Variants in DPP6 observed in about 807,000 individuals in gnomAD.
DPP6 encodes dipeptidyl peptidase like 6, also known as A-type potassium channel modulatory protein DPP6.
A neutral mutation model predicts 122.6 loss-of-function variants in DPP6; 69 were observed. The ratio of observed to expected loss-of-function variants is 0.56; its 90% CI spans 0.46 to 0.69. The LOEUF is 0.69. Among genes scored for constraint, DPP6 ranks in the 30% least tolerant of loss-of-function variants. DPP6 has a pLI of 0.00. For missense variants in DPP6, 928 were observed against 1,116.9 expected (o/e 0.83, Z 2.41); for synonymous variants, 418 against 433.1 (o/e 0.97, Z 0.43).
In DPP6 at chr7:154,125,747, T is replaced by G. The variant is rs1037529167; in HGVS notation, c.243+72684T>G. Among the ~76,000 whole-genome samples the G allele has an allele frequency of 2.3e-4, 35 of 152,152 alleles. 1 individual carries two copies. The highest frequency in any genetic ancestry group is 8.4e-4 in the African/African-American group (35 of 41,428). ...GAGGGTGAAGATAATGGGTTCACAT[T>G]GCACAGATTAAAGCAGAGACTCTAT... On this transcript the variant is annotated intron_variant, in intron 1 of 25. Transcript: ENST00000377770.
At chr7:154,375,616 A>G (rs1014702040) in intron 1 of DPP6, among the ~76,000 whole-genome samples, 8 of 152,160 alleles carry the variant, frequency 5.3e-5, no homozygotes, top group South Asian at 2.1e-4. Flanking sequence ...TCTCCATCCA[A>G]TGTACAGACT....
At chr7:154,470,748 T>C (rs763943457) in intron 2 of DPP6, among the ~76,000 whole-genome samples, 1 of 152,158 alleles carries the variant, frequency 6.6e-6, no homozygotes, top group Non-Finnish European at 1.5e-5. Flanking sequence ...TTTTCTATAG[T>C]ATATCAAGCT....
rs1437142803 is a variant in DPP6, at chr7:154,772,457, T to C, written c.1039-388T>C. Among the ~76,000 whole-genome samples the C allele has an allele frequency of 2.6e-5, 4 of 152,266 alleles. No individual in the cohort carries two copies. The East Asian group carries it at 7.7e-4, about 29-fold the overall frequency. On this transcript the variant is annotated intron_variant, in intron 9 of 25. Transcript: ENST00000377770. ...ACTTAATCTCTCCCCATGCTGAGCA[T>C]GGCCACCGCTCCTCAATGTCCATCA...
At chr7:153,992,889 G>GA (rs1247425801) in intron 1 of DPP6, among the ~76,000 whole-genome samples, 1 of 151,838 alleles carries the variant, frequency 6.6e-6, no homozygotes, top group Non-Finnish European at 1.5e-5. Flanking sequence ...TTTATCTCTT[G>GA]AAATACTGTC....
In DPP6 at chr7:153,951,436, C is replaced by A. The variant is rs545827692; in HGVS notation, c.51+63702C>A. Reference sequence around the variant, plus strand: ...AGATACACGTATGGGGGCAAGGAAACGCTACGAGACTGAGGATTGAGCTCC... The same window carrying A: ...AGATACACGTATGGGGGCAAGGAAAAGCTACGAGACTGAGGATTGAGCTCC... On this transcript the variant is annotated intron_variant, in intron 1 of 25. Transcript: ENST00000404039. Among the ~76,000 whole-genome samples, 4 of 152,244 alleles carry A rather than the reference C, an allele frequency of 2.6e-5. No individual in the cohort carries two copies. In the East Asian group the frequency reaches 7.7e-4, roughly 29 times the overall value.
At chr7:154,379,448 G>A (rs994996786) in intron 1 of DPP6, among the ~76,000 whole-genome samples, 1 of 151,978 alleles carries the variant, frequency 6.6e-6, no homozygotes, top group Non-Finnish European at 1.5e-5. Flanking sequence ...CATGGCACAT[G>A]TATACATATG....
At chr7:154,052,098 C>T (rs1245410087), upstream of DPP6, among the ~76,000 whole-genome samples, 3 of 117,390 alleles carry the variant, frequency 2.6e-5, no homozygotes, top group African/African-American at 5.7e-5. The surrounding 1 kb of genome is among the most constrained non-coding windows in gnomAD (Gnocchi z 4.8). Context: ...CTTGCACCGT[C>T]CGCTCGCGTG....
Position 154,446,206 on chromosome 7 carries a change from G to T in DPP6, c.244-8G>T. The T allele has an allele frequency of 6.3e-7, 1 of 1,580,028 alleles. No homozygotes were observed. The highest frequency in any genetic ancestry group is 2.3e-5 in the East Asian group (1 of 43,936). On this transcript the variant is annotated splice_region_variant and splice_polypyrimidine_tract_variant and intron_variant, in intron 1 of 25. Transcript: ENST00000377770. ...CACTGGGGTTTTCTTTGTTGTTGCTGTTTTTAGGAGCTGGTGGGGAGTAAC... is the reference window on the plus strand; with the variant it reads ...CACTGGGGTTTTCTTTGTTGTTGCTTTTTTTAGGAGCTGGTGGGGAGTAAC...
intron 1 of DPP6, among the ~76,000 whole-genome samples, chr7:154,034,081 G>C (rs573173369): frequency 6.6e-6 from 1 of 152,250 alleles, no homozygotes; most frequent in South Asian, 2.1e-4. Context: ...GTTCACAGCT[G>C]TATCAATTTA....
At chr7:154,136,912 T>C (rs1198968003) in intron 1 of DPP6, among the ~76,000 whole-genome samples, 1 of 152,192 alleles carries the variant, frequency 6.6e-6, no homozygotes, top group African/African-American at 2.4e-5. Flanking sequence ...TCTTTAAAAA[T>C]TATAGTATAG....
rs375919451 is a variant in DPP6 at position 154,874,074 on chromosome 7, TACACATGC to T, written c.1883+1396_1883+1403del. On this transcript the variant is annotated intron_variant, in intron 19 of 25. Coordinates refer to ENST00000377770, the MANE Select transcript of DPP6 (RefSeq NM_130797.4). ...GCACATATGCACATGTATGTGTATA[TACACATGC>T]ACACATGCACACATCTATACACACC... Among the ~76,000 whole-genome samples the T allele has an allele frequency of 9.4e-3, 1,402 of 149,592 alleles. 19 individuals are homozygous for T. Among genetic ancestry groups the T allele is most frequent in the African/African-American group, 0.032 (1,303 of 40,470 alleles).
At chr7:154,417,625 T>C (rs79668927) in intron 1 of DPP6, among the ~76,000 whole-genome samples, 3,025 of 152,258 alleles carry the variant, frequency 0.02, 122 homozygotes, top group African/African-American at 0.069. Context: ...GGGCAGTGGC[T>C]CCAACATCTT....
intron 1 of DPP6, among the ~76,000 whole-genome samples, chr7:154,300,490 C>G (rs1805832290): frequency 6.6e-6 from 1 of 152,246 alleles, no homozygotes; most frequent in East Asian, 1.9e-4. Context: ...AAGGTCATAG[C>G]AAGACCCCTT....
At chr7:154,501,487 G>A (rs1024480803) in intron 3 of DPP6, among the ~76,000 whole-genome samples, 3 of 152,174 alleles carry the variant, frequency 2.0e-5, no homozygotes, top group South Asian at 4.1e-4. Flanking sequence ...TTGGTGCCCT[G>A]TGTCCCAGTG....
intron 8 of DPP6, among the ~76,000 whole-genome samples, chr7:154,757,109 A>G (rs1843722970): frequency 6.8e-6 from 1 of 147,150 alleles, no homozygotes; most frequent in Non-Finnish European, 1.5e-5. Context: ...TCCATCCCTC[A>G]GGTCTCCTGA....
chr7:154,246,832 G>A (rs1192877413), intron 1 of DPP6, among the ~76,000 whole-genome samples: 1 of 152,054 alleles, frequency 6.6e-6, no homozygotes, highest in Non-Finnish European at 1.5e-5. Context: ...AATTTTAGAT[G>A]GATCATATAT....
Position 154,893,044 on chromosome 7 carries a change from T to G in DPP6, c.*564T>G. ...AACGCTTTTCTGTACAGAGTCTTAC[T>G]GTAGCTACGCTAATGGTTAACCTGA... On this transcript the variant is annotated 3_prime_UTR_variant, in exon 26 of 26. Transcript: ENST00000377770. 2.1e-6 allele frequency: 1 copy of G among 465,508 alleles called. No individual in the cohort carries two copies. The highest frequency in any genetic ancestry group is 4.3e-6 in the Non-Finnish European group (1 of 231,240). The allele number at this position is 465,508 out of a possible 1,614,324, so 28.8% of individuals were successfully genotyped here. A position where few individuals can be genotyped will look rare whatever the true frequency, so the allele number is the denominator to read the frequency against.
At chr7:153,911,181 G>A (rs1800077017) in intron 1 of DPP6, among the ~76,000 whole-genome samples, 1 of 152,140 alleles carries the variant, frequency 6.6e-6, no homozygotes, top group African/African-American at 2.4e-5. Context: ...TTGAGTCCCA[G>A]CTCCTTTGCA....
chr7:154,172,999 T>G (rs941400959), intron 1 of DPP6, among the ~76,000 whole-genome samples: 3 of 152,158 alleles, frequency 2.0e-5, no homozygotes, highest in African/African-American at 7.2e-5. Context: ...ATCTGTAACA[T>G]GAAGGGAATG....
Sources: gnomAD v4.1 joint callset for allele counts (sites outside exome capture counted in the v4.1 genomes callset) on GRCh38, gnomAD v4.1.1 for gene constraint, Gnocchi (gnomAD v3.1) non-coding constraint, MANE v1.5 for transcripts, NCBI Gene and HGNC (gene_info 2026-07-23, HGNC 2026-07-21) for gene names.